The following CERS6 variants were observed in gnomAD, a reference collection of about 807,000 sequenced individuals.
CERS6 encodes the protein ceramide synthase 6.
A neutral mutation model predicts 56.8 loss-of-function variants in CERS6; 26 were observed. The ratio of observed to expected loss-of-function variants is 0.46; its 90% CI spans 0.34 to 0.63. The LOEUF (loss-of-function observed/expected upper bound fraction) is 0.63. Ranked by LOEUF, CERS6 falls within the 30% of genes least tolerant of loss-of-function variation. CERS6 has a pLI of 0.01. For synonymous variants in CERS6, 164 were observed against 173.3 expected, an observed-to-expected ratio of 0.95 and a Z score of 0.42; for missense variants, 415 against 467.5, an observed-to-expected ratio of 0.89 and a Z score of 1.04.
intron 1 of CERS6, among the ~76,000 whole-genome samples, chr2:168,498,913 T>C (rs1204612755): frequency 3.3e-5 from 5 of 151,762 alleles, no homozygotes; most frequent in African/African-American, 4.8e-5. Flanking sequence ...GTGTCTGACT[T>C]CCCCCCCACA....
chr2:168,673,963 G>A (rs1198859413), intron 4 of CERS6, among the ~76,000 whole-genome samples: 1 of 152,292 alleles, frequency 6.6e-6, no homozygotes. Context: ...CTAGACAGCA[G>A]ATGACTAGGA....
intron 4 of CERS6, among the ~76,000 whole-genome samples, chr2:168,684,150 A>G (rs1246841935): frequency 6.6e-6 from 1 of 152,216 alleles, no homozygotes; most frequent in African/African-American, 2.4e-5. Context: ...CCTGATCAAT[A>G]TGAAGGACTC....
chr2:168,472,980 C>G (rs1694004731), intron 1 of CERS6, among the ~76,000 whole-genome samples: 1 of 152,156 alleles, frequency 6.6e-6, no homozygotes, highest in African/African-American at 2.4e-5. Context: ...TTAAAACTTG[C>G]AGTGCTTGCA....
chr2:168,589,065 G>C (rs1315724712), intron 3 of CERS6, among the ~76,000 whole-genome samples: 1 of 152,176 alleles, frequency 6.6e-6, no homozygotes, highest in African/African-American at 2.4e-5. Flanking sequence ...TGGGTATATA[G>C]AAGTGGGATT....
At chr2:168,658,244 TAGTATC>T (rs963558913) in intron 4 of CERS6, among the ~76,000 whole-genome samples, 9 of 152,206 alleles carry the variant, frequency 5.9e-5, no homozygotes, top group Admixed American at 3.9e-4. Context: ...AATGTAAACA[TAGTATC>T]AGTAACTATA....
rs758637978 is a variant in CERS6, at chr2:168,561,334, T to G, written c.407+12T>G. The G allele has an allele frequency of 1.2e-4, 190 of 1,613,780 alleles. No individual in the cohort carries two copies. The highest frequency in any genetic ancestry group is 1.6e-4 in the Non-Finnish European group (189 of 1,179,896). The stretch of plus-strand genomic sequence containing the variant: ...TTCTGTGAGAGCATGTAAGTTGCTG[T>G]TTTTCTTTTTGAAAGAAAAGACCTA... On this transcript the variant is annotated intron_variant, in intron 3 of 9. Transcript: ENST00000305747.
At chr2:168,725,558 A>G (rs763462773) in intron 8 of CERS6, among the ~76,000 whole-genome samples, 14 of 152,264 alleles carry the variant, frequency 9.2e-5, no homozygotes, top group Non-Finnish European at 1.5e-4. Flanking sequence ...ACAGACTTTC[A>G]TATCAATATC....
chr2:168,766,366 C>G (rs1006764630), intron 9 of CERS6: 2 of 1,596,436 alleles, frequency 1.3e-6, no homozygotes, highest in East Asian at 2.2e-5. Context: ...CCTCCTCTCT[C>G]TCTATCCCTG....
intron 8 of CERS6, among the ~76,000 whole-genome samples, chr2:168,747,646 AAC>A (rs1285195824): frequency 9.9e-5 from 15 of 152,158 alleles, no homozygotes; most frequent in African/African-American, 3.6e-4. Flanking sequence ...ATTTTTTGAT[AAC>A]ACAGTGTTTT....
chr2:168,575,960 G>A (rs550322196), intron 3 of CERS6, among the ~76,000 whole-genome samples: 1 of 152,238 alleles, frequency 6.6e-6, no homozygotes, highest in South Asian at 2.1e-4. Flanking sequence ...GCCAGGAATG[G>A]TACTTAGTGT....
Position 168,620,393 on chromosome 2 carries a change from A to G in CERS6, c.408-10592A>G, listed in dbSNP as rs142622969. 3.5e-3 allele frequency among the ~76,000 whole-genome samples: 527 copies of G among 152,280 alleles called. 4 individuals carry two copies. Among genetic ancestry groups the G allele is most frequent in the African/African-American group, 0.012 (501 of 41,570 alleles). On this transcript the variant is annotated intron_variant, in intron 3 of 9. Transcript: ENST00000305747. ...CTAAAGAACTTACTCATGTAACCAA[A>G]TAACACCTATTCCTCAAAAACCTAT...
At chr2:168,748,492 A>G (rs1341720534) in intron 8 of CERS6, among the ~76,000 whole-genome samples, 3 of 152,192 alleles carry the variant, frequency 2.0e-5, no homozygotes, top group Admixed American at 1.3e-4. Flanking sequence ...TAAAGCCACA[A>G]CTTGGAAGTG....
At chr2:168,561,464 G>T (rs1156795214) in intron 3 of CERS6, 142 bp downstream of exon 3, 7 of 834,768 alleles carry the variant, frequency 8.4e-6, no homozygotes, top group Non-Finnish European at 1.3e-5. Context: ...AAAAACACAG[G>T]AAACAGTAGT....
chr2:168,530,036 AGATGAATGATAAGG>A (rs1184750558), intron 1 of CERS6, among the ~76,000 whole-genome samples: 1 of 152,212 alleles, frequency 6.6e-6, no homozygotes, highest in Non-Finnish European at 1.5e-5. Context: ...CATCTGAGGA[AGATGAATGATAAGG>A]GAGGCCCAGG....
chr2:168,482,699 G>A (rs528871367), intron 1 of CERS6, among the ~76,000 whole-genome samples: 12 of 152,330 alleles, frequency 7.9e-5, no homozygotes, highest in Admixed American at 3.9e-4. Context: ...GCAGTGGCAC[G>A]GAGCTGAAGG....
intron 3 of CERS6, among the ~76,000 whole-genome samples, chr2:168,562,871 C>T (rs948119081): frequency 6.6e-6 from 1 of 152,182 alleles, no homozygotes; most frequent in Non-Finnish European, 1.5e-5. Flanking sequence ...TGGTCAAAAG[C>T]CACAGTTGCT....
intron 1 of CERS6, among the ~76,000 whole-genome samples, chr2:168,459,255 A>G (rs1693734109): frequency 6.6e-6 from 1 of 152,264 alleles, no homozygotes; most frequent in African/African-American, 2.4e-5. Context: ...TGTTGAGGCT[A>G]AAATCGTGAA....
intron 3 of CERS6, among the ~76,000 whole-genome samples, chr2:168,582,414 A>G (rs1473061659): frequency 1.3e-5 from 2 of 152,102 alleles, no homozygotes; most frequent in South Asian, 2.1e-4. Context: ...GCTTCTTACT[A>G]TCTTGTCACC....
intron 3 of CERS6, among the ~76,000 whole-genome samples, chr2:168,617,929 A>G (rs1684358039): frequency 6.6e-6 from 1 of 152,164 alleles, no homozygotes; most frequent in South Asian, 2.1e-4. Context: ...GACATAACCA[A>G]AAAAGAAAAC....
Sources: gnomAD v4.1 joint callset for allele counts (sites outside exome capture counted in the v4.1 genomes callset) on GRCh38, gnomAD v4.1.1 for gene constraint, MANE v1.5 for transcripts, NCBI Gene and HGNC (gene_info 2026-07-23, HGNC 2026-07-21) for gene names.